The following HYDIN variants were observed in gnomAD, a reference collection of about 807,000 sequenced individuals.
HYDIN encodes the protein axonemal central pair apparatus protein HYDIN.
In HYDIN, 132 loss-of-function variants were observed where a neutral mutation model predicts 403.9. That is an observed-to-expected ratio of 0.33 (90% CI 0.28 to 0.38). The LOEUF is 0.38. Ranked by LOEUF, HYDIN falls within the 10% of genes least tolerant of loss-of-function variation. The pLI is 1.00. For synonymous variants in HYDIN, 1,202 were observed against 1,891.7 expected, an observed-to-expected ratio of 0.64 and a Z score of 9.46; for missense variants, 2,827 against 5,009.5, an observed-to-expected ratio of 0.56 and a Z score of 13.15.
At chr16:70,905,185 G>T (rs59991658) in intron 50 of HYDIN, among the ~76,000 whole-genome samples, 2 of 152,038 alleles carry the variant, frequency 1.3e-5, no homozygotes, top group African/African-American at 4.8e-5. Context: ...AGAACACTCC[G>T]TATGAATATC....
chr16:71,213,324 G>A (rs1398449375), intron 1 of HYDIN, among the ~76,000 whole-genome samples: 3 of 151,942 alleles, frequency 2.0e-5, no homozygotes, highest in South Asian at 2.1e-4. Flanking sequence ...TAATAATAGC[G>A]TTTATAATAT....
At chr16:71,185,369 A>T (rs1262459171) in intron 2 of HYDIN, among the ~76,000 whole-genome samples, 1 of 152,200 alleles carries the variant, frequency 6.6e-6, no homozygotes, top group East Asian at 1.9e-4. Context: ...AAGGGCTTCA[A>T]AAACCAGGAG....
intron 55 of HYDIN, among the ~76,000 whole-genome samples, chr16:70,892,780 A>G (rs1334274765): frequency 6.6e-6 from 1 of 152,194 alleles, no homozygotes; most frequent in Non-Finnish European, 1.5e-5. Flanking sequence ...ATTGCAGGAG[A>G]TCTCTGTCCA....
chr16:70,884,736 AG>A (rs2041025575), intron 58 of HYDIN, among the ~76,000 whole-genome samples: 1 of 150,100 alleles, frequency 6.7e-6, no homozygotes, highest in Non-Finnish European at 1.5e-5. Flanking sequence ...AAAACAAAAC[AG>A]GATGTTGGTG....
chr16:70,840,966 T>C (rs1004598064), intron 75 of HYDIN, among the ~76,000 whole-genome samples: 3 of 152,200 alleles, frequency 2.0e-5, no homozygotes, highest in African/African-American at 7.2e-5. Flanking sequence ...AAATTGATAA[T>C]TGATTTCAAA....
chr16:70,884,905 C>G (rs2143698287), intron 58 of HYDIN, among the ~76,000 whole-genome samples: 1 of 152,356 alleles, frequency 6.6e-6, no homozygotes, highest in South Asian at 2.1e-4. Context: ...TGCAGTGCTT[C>G]AGCTCAGAGA....
chr16:71,064,886 T>A, intron 15 of HYDIN, 46 bp from the exon 16 acceptor site: 1 of 1,596,394 alleles, frequency 6.3e-7, no homozygotes, highest in Non-Finnish European at 8.5e-7. Context: ...AGAGCTTGTT[T>A]ACATACAGAA....
chr16:70,861,373 C>T (rs1304661736), intron 69 of HYDIN, among the ~76,000 whole-genome samples: 1 of 152,128 alleles, frequency 6.6e-6, no homozygotes, highest in Non-Finnish European at 1.5e-5. Flanking sequence ...GAGGCCCCAG[C>T]AGCTCACTTA....
chr16:70,893,121 C>T (rs1249326935), intron 55 of HYDIN, among the ~76,000 whole-genome samples: 16 of 152,210 alleles, frequency 1.1e-4, no homozygotes, highest in Non-Finnish European at 2.1e-4. Flanking sequence ...CGCCATGCTC[C>T]AGGAGACCCT....
At chr16:71,022,254 G>T (rs1279510060) in intron 21 of HYDIN, among the ~76,000 whole-genome samples, 1 of 152,186 alleles carries the variant, frequency 6.6e-6, no homozygotes, top group African/African-American at 2.4e-5. Context: ...ATGAGAAGGA[G>T]TCAAGCACAG....
intron 1 of HYDIN, among the ~76,000 whole-genome samples, chr16:71,215,725 C>A (rs1332139357): frequency 6.6e-6 from 1 of 150,920 alleles, no homozygotes; most frequent in African/African-American, 2.4e-5. Flanking sequence ...ACTTGTGACA[C>A]ATAACCAACA....
At chr16:70,877,506 G>C (rs1228089466) in intron 62 of HYDIN, among the ~76,000 whole-genome samples, 1 of 152,220 alleles carries the variant, frequency 6.6e-6, no homozygotes, top group African/African-American at 2.4e-5. Context: ...TGGTTTCATG[G>C]AATACAATTT....
intron 9 of HYDIN, among the ~76,000 whole-genome samples, chr16:71,124,084 C>CTCAGAGCCCTGG (rs1274911655): frequency 2.6e-5 from 4 of 151,172 alleles, no homozygotes; most frequent in Non-Finnish European, 4.4e-5. Context: ...AGCCCTGGAG[C>CTCAGAGCCCTGG]AGCTACCAGC....
intron 11 of HYDIN, among the ~76,000 whole-genome samples, chr16:71,089,606 G>A (rs1250569581): frequency 6.6e-6 from 1 of 152,196 alleles, no homozygotes; most frequent in Non-Finnish European, 1.5e-5. Context: ...TAAGTCTGGA[G>A]CAAAGGTTAC....
intron 11 of HYDIN, chr16:71,090,455 T>C (rs2144371692): frequency 6.6e-6 from 1 of 152,158 alleles, no homozygotes; most frequent in East Asian, 1.9e-4. Context: ...GCTTGGCAAA[T>C]AGTGCTTAAA....
rs1327513278 is a variant in HYDIN at position 70,805,361 on chromosome 16, A to G, written c.*2219T>C. 6.6e-6 allele frequency among the ~76,000 whole-genome samples: 1 copy of G among 152,158 alleles called. No homozygotes were observed. The highest frequency in any genetic ancestry group is 2.4e-5 in the African/African-American group (1 of 41,436). On this transcript the variant is annotated 3_prime_UTR_variant, in exon 86 of 86. Transcript: ENST00000393567. Reference sequence around the variant, plus strand: ...GGCCTGAGGGCCTGCCTTTCTAACAAATTCCCAGGTGATGCTGATGCTGCA... The same window carrying G: ...GGCCTGAGGGCCTGCCTTTCTAACAGATTCCCAGGTGATGCTGATGCTGCA...
intron 7 of HYDIN, among the ~76,000 whole-genome samples, chr16:71,148,502 A>G (rs1281404540): frequency 6.6e-6 from 1 of 152,204 alleles, no homozygotes; most frequent in Non-Finnish European, 1.5e-5. Flanking sequence ...ATAAGTCAGA[A>G]GTAAATTTAG....
rs2079015126 is a variant in HYDIN at position 70,980,533 on chromosome 16, A to G, written c.4510+858T>C. ...AAGAGACAGGGTCTTGCCTATATAT[A>G]TATATAAATATAAATATAAATTATA... is the stretch of plus-strand genomic sequence containing the variant. On this transcript the variant is annotated intron_variant, in intron 29 of 85. Coordinates refer to ENST00000393567, the MANE Select transcript of HYDIN (RefSeq NM_001270974.2). Among the ~76,000 whole-genome samples the G allele has an allele frequency of 2.0e-5, 3 of 147,570 alleles. No individual in the cohort carries two copies. The South Asian group carries it at 6.3e-4, about 31-fold the overall frequency.
intron 5 of HYDIN, among the ~76,000 whole-genome samples, chr16:71,171,655 T>C (rs1338197771): frequency 6.6e-6 from 1 of 152,346 alleles, no homozygotes; most frequent in East Asian, 1.9e-4. Context: ...TGTGACTATC[T>C]GGAAATATGA....
Sources: allele counts gnomAD v4.1 joint callset (sites outside exome capture counted in the v4.1 genomes callset), GRCh38; gene constraint gnomAD v4.1.1; transcripts MANE v1.5; gene names NCBI Gene and HGNC (gene_info 2026-07-23, HGNC 2026-07-21).